Variants in TNRC6B observed in about 807,000 individuals in gnomAD.
TNRC6B encodes the protein trinucleotide repeat containing adaptor 6B.
In TNRC6B, 52 loss-of-function variants were observed where a neutral mutation model predicts 203.6. The ratio of observed to expected loss-of-function variants is 0.26; its 90% CI spans 0.20 to 0.32. The LOEUF (loss-of-function observed/expected upper bound fraction) is 0.32, where lower values mean the gene tolerates loss of function less well. Among genes scored for constraint, TNRC6B ranks in the 10% least tolerant of loss-of-function variants. The probability of loss-of-function intolerance (pLI) is 1.00; values close to 1 mark genes in which losing one functional copy is unlikely to be tolerated. For missense variants in TNRC6B, 1,923 were observed against 2,286.2 expected, an observed-to-expected ratio of 0.84 and a Z score of 3.24; for synonymous variants, 838 against 845.7, an observed-to-expected ratio of 0.99 and a Z score of 0.16.
At chr22:40,087,325 G>T (rs2068109349) in intron 1 of TNRC6B, among the ~76,000 whole-genome samples, 1 of 152,154 alleles carries the variant, frequency 6.6e-6, no homozygotes, top group African/African-American at 2.4e-5. Flanking sequence ...TTCTTTCCCA[G>T]TGTTCAGGAT....
At chr22:40,091,485 C>T (rs1358353538) in intron 1 of TNRC6B, among the ~76,000 whole-genome samples, 1 of 151,676 alleles carries the variant, frequency 6.6e-6, no homozygotes, top group Non-Finnish European at 1.5e-5. Flanking sequence ...AAAAGCACAG[C>T]AAAGCAAAGT....
At chr22:40,282,557 G>T (rs1000691799) in intron 11 of TNRC6B, among the ~76,000 whole-genome samples, 19 of 152,178 alleles carry the variant, frequency 1.2e-4, no homozygotes, top group African/African-American at 4.3e-4. Flanking sequence ...AATGGTGATT[G>T]TAAATGTGGT....
At chr22:40,153,948 T>C (rs1277124430) in intron 3 of TNRC6B, among the ~76,000 whole-genome samples, 2 of 151,358 alleles carry the variant, frequency 1.3e-5, no homozygotes, top group East Asian at 3.8e-4. Flanking sequence ...TATTAATTAA[T>C]ATTAATATTA....
intron 1 of TNRC6B, among the ~76,000 whole-genome samples, chr22:40,226,242 A>G (rs2069783940): frequency 6.6e-6 from 1 of 152,224 alleles, no homozygotes; most frequent in Non-Finnish European, 1.5e-5. Flanking sequence ...AAAATAGAGC[A>G]CAAATTAAGA....
chr22:40,273,720 A>G (rs1258296020), intron 7 of TNRC6B, 120 bp downstream of exon 7: 3 of 1,135,436 alleles, frequency 2.6e-6, no homozygotes, highest in Non-Finnish European at 3.6e-6. Flanking sequence ...ACTGGAGTGC[A>G]GTGGGACAGT....
chr22:40,050,044 T>C (rs989360661), intron 1 of TNRC6B, among the ~76,000 whole-genome samples: 1 of 152,176 alleles, frequency 6.6e-6, no homozygotes, highest in African/African-American at 2.4e-5. Context: ...TGTTTTTCAG[T>C]GGTGCCATCA....
chr22:40,306,705 G>T (rs1465230580), intron 15 of TNRC6B, among the ~76,000 whole-genome samples: 1 of 152,090 alleles, frequency 6.6e-6, no homozygotes. Context: ...AATAAATAAG[G>T]CCAGGCACGG....
At chr22:40,315,214 C>T (rs1985924934) in intron 19 of TNRC6B, 69 bp from the exon 20 acceptor site, 1 of 1,258,254 alleles carries the variant, frequency 7.9e-7, no homozygotes. Context: ...GTAGATAAAA[C>T]TCATGTGTAT....
At chr22:40,171,080 T>TTA (rs748216772) in intron 4 of TNRC6B, among the ~76,000 whole-genome samples, 1 of 149,170 alleles carries the variant, frequency 6.7e-6, no homozygotes, top group Admixed American at 6.7e-5. Context: ...ATATGTATGT[T>TTA]TATATATATG....
intron 12 of TNRC6B, among the ~76,000 whole-genome samples, chr22:40,294,387 A>G (rs929389283): frequency 1.6e-4 from 24 of 152,210 alleles, no homozygotes. Context: ...CTCTATCTTC[A>G]CATGGCTTTT....
intron 12 of TNRC6B, among the ~76,000 whole-genome samples, chr22:40,287,775 C>G (rs150003900): frequency 2.6e-5 from 4 of 152,322 alleles, no homozygotes; most frequent in African/African-American, 9.6e-5. Flanking sequence ...TGCCATCTCT[C>G]TCTCTGCAGC....
In TNRC6B at chr22:40,326,597, A is replaced by G. The variant is rs1241392444; in HGVS notation, c.*3356A>G. The G allele has an allele frequency of 6.6e-6, 1 of 152,304 alleles. No individual in the cohort carries two copies. Among genetic ancestry groups the G allele is most frequent in the Non-Finnish European group, 1.5e-5 (1 of 67,958 alleles). 9.4% of individuals were successfully genotyped at this position (152,304 alleles called of 1,614,324 possible). A position where few individuals can be genotyped will look rare whatever the true frequency, so the allele number is the denominator to read the frequency against. On this transcript the variant is annotated 3_prime_UTR_variant, in exon 23 of 23. Transcript: ENST00000454349. Reference sequence around the variant, plus strand: ...ACTGAAATCTCCCCTAGTAATTTTTATTTTTTTAAAGGAACCCTTCTCCTT... The same window carrying G: ...ACTGAAATCTCCCCTAGTAATTTTTGTTTTTTTAAAGGAACCCTTCTCCTT...
chr22:40,186,070 G>T (rs1233148861), intron 1 of TNRC6B, among the ~76,000 whole-genome samples: 1 of 152,140 alleles, frequency 6.6e-6, no homozygotes, highest in Non-Finnish European at 1.5e-5. Flanking sequence ...AGGCTTCCAC[G>T]TGGAAGTGAT....
chr22:40,062,968 T>G (rs2067866473), intron 1 of TNRC6B, among the ~76,000 whole-genome samples: 1 of 152,194 alleles, frequency 6.6e-6, no homozygotes, highest in Non-Finnish European at 1.5e-5. Flanking sequence ...TTGCTATTTT[T>G]GCTTTTGGCA....
chr22:40,147,921 C>A (rs754887114), intron 3 of TNRC6B, among the ~76,000 whole-genome samples: 1 of 152,136 alleles, frequency 6.6e-6, no homozygotes, highest in Non-Finnish European at 1.5e-5. Context: ...TAAGTAGTTT[C>A]TTTTGGAATG....
chr22:40,099,560 CAT>C (rs2146303469), intron 1 of TNRC6B, among the ~76,000 whole-genome samples: 1 of 152,230 alleles, frequency 6.6e-6, no homozygotes, highest in South Asian at 2.1e-4. Flanking sequence ...CTGTTGAACA[CAT>C]ATAGACTATT....
intron 4 of TNRC6B, among the ~76,000 whole-genome samples, chr22:40,160,112 G>A (rs11705281): frequency 0.051 from 7,740 of 152,144 alleles, 282 homozygotes; most frequent in South Asian, 0.093. Context: ...CTCCTTGAGC[G>A]GCCTATTTCA....
At position 40,266,974 on chromosome 22, in the gene TNRC6B, A is replaced by G. The variant is rs377362125; in HGVS notation, c.2744A>G (p.Gln915Arg). Reference sequence around the variant, plus strand: ...GTGAATCTGTGGGATAAGAATTCCCAAGGGGGCCCAGCACCTCGAGAACCA... The same window carrying G: ...GTGAATCTGTGGGATAAGAATTCCCGAGGGGGCCCAGCACCTCGAGAACCA... The part of the protein sequence containing the change: ...KNVNLWDKNS[Q>R]GGPAPREPNL... Residue 915 changes from glutamine to arginine, a missense_variant, in exon 5 of 23, where the codon CAA (glutamine) becomes CGA (arginine). By Grantham distance (43) the Gln-to-Arg change is conservative. This residue lies in a region of TNRC6B where 599 missense variants were observed against 656.5 expected (regional missense o/e 0.91). Coordinates refer to ENST00000454349, the MANE Select transcript of TNRC6B (RefSeq NM_001162501.2). 49 of 1,612,876 alleles carry G rather than the reference A, an allele frequency of 3.0e-5. No individual in the cohort carries two copies. The African/African-American group carries it at 5.1e-4, about 17-fold the overall frequency.
At chr22:40,126,580 ATTTTTTTTTT>A (rs955369459) in intron 3 of TNRC6B, among the ~76,000 whole-genome samples, 1,467 of 88,782 alleles carry the variant, frequency 0.017, 43 homozygotes, top group African/African-American at 0.068. Flanking sequence ...ACGTTATTTA[ATTTTTTTTTT>A]TTTTTTTTTT....
Sources: gnomAD v4.1 joint callset for allele counts (sites outside exome capture counted in the v4.1 genomes callset) on GRCh38, gnomAD v4.1.1 for gene constraint, gnomAD v4.1.1 regional missense constraint, MANE v1.5 for transcripts, NCBI Gene and HGNC (gene_info 2026-07-23, HGNC 2026-07-21) for gene names.